IGSF11: variants seen among roughly 807,000 people sequenced by gnomAD.
IGSF11 encodes the protein CXADR like 1.
A neutral mutation model predicts 41.0 loss-of-function variants in IGSF11; 22 were observed. The ratio of observed to expected loss-of-function variants is 0.54; its 90% CI spans 0.38 to 0.77. The LOEUF (loss-of-function observed/expected upper bound fraction) is 0.77, where lower values mean the gene tolerates loss of function less well. Among genes scored for constraint, IGSF11 ranks in the 30% least tolerant of loss-of-function variants. IGSF11 has a pLI of 0.00. For synonymous variants in IGSF11, 219 were observed against 201.3 expected (o/e 1.09, Z -0.74); for missense variants, 444 against 530.8 (o/e 0.84, Z 1.61).
Position 119,135,273 on chromosome 3 carries a change from G to A in IGSF11, c.-14+10540C>T, listed in dbSNP as rs555251887. 4.6e-5 allele frequency among the ~76,000 whole-genome samples: 7 copies of A among 152,248 alleles called. No individual in the cohort carries two copies. In the East Asian group the frequency reaches 1.3e-3, roughly 29 times the overall value. On this transcript the variant is annotated intron_variant, in intron 1 of 7. Transcript: ENST00000425327. ...AAGAAACTACCATCAGTGTGAACAG[G>A]CAACCTACAGAATGGGAAAAAATTT...
chr3:119,135,173 C>T (rs1180993072), intron 1 of IGSF11, among the ~76,000 whole-genome samples: 1 of 152,144 alleles, frequency 6.6e-6, no homozygotes, highest in African/African-American at 2.4e-5. Flanking sequence ...ATGGCTAAAA[C>T]ACCAAAAGCA....
At chr3:118,992,878 G>A (rs1367811813) in intron 1 of IGSF11, among the ~76,000 whole-genome samples, 1 of 152,268 alleles carries the variant, frequency 6.6e-6, no homozygotes, top group East Asian at 1.9e-4. Context: ...CCAACAGAAT[G>A]GAAGTCATAC....
chr3:119,046,268 A>C (rs1941348113), intron 1 of IGSF11, among the ~76,000 whole-genome samples: 1 of 149,618 alleles, frequency 6.7e-6, no homozygotes, highest in Non-Finnish European at 1.5e-5. Flanking sequence ...AGAATGTATA[A>C]CTAGGATAAC....
intron 1 of IGSF11, among the ~76,000 whole-genome samples, chr3:119,130,204 G>A (rs945390461): frequency 6.6e-6 from 1 of 152,208 alleles, no homozygotes; most frequent in Non-Finnish European, 1.5e-5. Flanking sequence ...ACTGGGACTG[G>A]TTGGAGAATG....
chr3:118,940,908 C>CA (rs374776493), intron 1 of IGSF11, among the ~76,000 whole-genome samples: 5,446 of 99,698 alleles, frequency 0.055, 128 homozygotes, highest in Non-Finnish European at 0.09. Flanking sequence ...CTCCATATGC[C>CA]AAAAAAAAAA....
intron 1 of IGSF11, among the ~76,000 whole-genome samples, chr3:119,075,557 C>T (rs575191301): frequency 6.6e-6 from 1 of 152,206 alleles, no homozygotes; most frequent in African/African-American, 2.4e-5. Flanking sequence ...CCCTCATAAA[C>T]GTAGATGCAA....
chr3:118,973,402 G>A (rs1031892117), intron 1 of IGSF11, among the ~76,000 whole-genome samples: 2 of 152,198 alleles, frequency 1.3e-5, no homozygotes, highest in African/African-American at 4.8e-5. Context: ...AAGTGCCTAG[G>A]CTGCGTAGAA....
intron 1 of IGSF11, among the ~76,000 whole-genome samples, chr3:118,994,922 G>T (rs909331374): frequency 6.6e-6 from 1 of 152,162 alleles, no homozygotes; most frequent in Non-Finnish European, 1.5e-5. Flanking sequence ...GGAAGAACGT[G>T]GAGGAAGGAA....
intron 1 of IGSF11, among the ~76,000 whole-genome samples, chr3:119,074,384 G>A (rs1410474352): frequency 1.3e-5 from 2 of 152,028 alleles, no homozygotes; most frequent in Non-Finnish European, 2.9e-5. Flanking sequence ...TGATTACGTG[G>A]AAATTAAACA....
chr3:118,917,103 A>T (rs1941211314), intron 4 of IGSF11, among the ~76,000 whole-genome samples: 1 of 151,986 alleles, frequency 6.6e-6, no homozygotes, highest in Non-Finnish European at 1.5e-5. Context: ...GACGCATTCA[A>T]AGCAGTGTGT....
chr3:119,050,273 A>G (rs1941561579), intron 1 of IGSF11, among the ~76,000 whole-genome samples: 1 of 151,870 alleles, frequency 6.6e-6, no homozygotes, highest in Non-Finnish European at 1.5e-5. Flanking sequence ...TAATATCCAG[A>G]ACCTACAATG....
intron 1 of IGSF11, among the ~76,000 whole-genome samples, chr3:118,966,328 A>G (rs1289231368): frequency 1.3e-5 from 2 of 152,172 alleles, no homozygotes. Flanking sequence ...GAAAGCTTAT[A>G]TGTTTTCAGT....
intron 1 of IGSF11, among the ~76,000 whole-genome samples, chr3:118,996,551 C>T (rs543900799): frequency 9.5e-4 from 144 of 152,228 alleles, no homozygotes; most frequent in African/African-American, 3.3e-3. Context: ...AAAACCCTTC[C>T]GTGGATTCCC....
At chr3:119,097,957 ATTTTTTTTT>A (rs377746200) in intron 1 of IGSF11, among the ~76,000 whole-genome samples, 5 of 58,364 alleles carry the variant, frequency 8.6e-5, no homozygotes, top group Non-Finnish European at 1.4e-4. Context: ...CATTCAGCTA[ATTTTTTTTT>A]TTTTTTTTTT....
intron 4 of IGSF11, among the ~76,000 whole-genome samples, chr3:118,913,562 A>G (rs1940626419): frequency 6.6e-6 from 1 of 152,234 alleles, no homozygotes; most frequent in Admixed American, 6.5e-5. Flanking sequence ...ACTAAACTGC[A>G]TTAAAGAGTG....
chr3:118,940,947 CT>C (rs1943646193), intron 1 of IGSF11, among the ~76,000 whole-genome samples: 1 of 146,314 alleles, frequency 6.8e-6, no homozygotes. Flanking sequence ...TTATTTAATA[CT>C]TTATATAAAA....
intron 1 of IGSF11, among the ~76,000 whole-genome samples, chr3:118,959,936 T>A (rs991257046): frequency 1.3e-4 from 19 of 151,534 alleles, no homozygotes; most frequent in African/African-American, 4.6e-4. Flanking sequence ...CCCCAGCTAC[T>A]CGGGAGGCTG....
upstream of IGSF11, among the ~76,000 whole-genome samples, chr3:119,109,575 G>T (rs546797481): frequency 2.6e-5 from 4 of 152,132 alleles, no homozygotes; most frequent in African/African-American, 7.2e-5. Context: ...AGGGTTTTTT[G>T]TGTCTCTATT....
intron 1 of IGSF11, among the ~76,000 whole-genome samples, chr3:119,059,233 T>C (rs1941972598): frequency 6.7e-6 from 1 of 150,374 alleles, no homozygotes; most frequent in Admixed American, 6.6e-5. Flanking sequence ...TACTCAGTCA[T>C]AAAAAGGAAT....
Sources: allele counts gnomAD v4.1 joint callset (sites outside exome capture counted in the v4.1 genomes callset), GRCh38; gene constraint gnomAD v4.1.1; transcripts MANE v1.5; gene names NCBI Gene and HGNC (gene_info 2026-07-23, HGNC 2026-07-21).